The following SPDYE16 variants were observed in gnomAD, a reference collection of about 807,000 sequenced individuals.
SPDYE16 encodes speedy protein E16.
A neutral mutation model predicts 40.1 loss-of-function variants in SPDYE16; 5 were observed. The observed-to-expected ratio is 0.12, with a 90% confidence interval of 0.07 to 0.26. The LOEUF (loss-of-function observed/expected upper bound fraction) is 0.26. SPDYE16 is among the 10% of genes least tolerant of loss of function. The probability of loss-of-function intolerance (pLI) is 1.00; values close to 1 mark genes in which losing one functional copy is unlikely to be tolerated. For missense variants in SPDYE16, 98 were observed against 409.8 expected (o/e 0.24, Z 6.57); for synonymous variants, 40 against 154.2 (o/e 0.26, Z 5.49).
chr7:76,538,306 T>TC (rs113914745), intron 4 of SPDYE16, among the ~76,000 whole-genome samples: 28,044 of 68,998 alleles, frequency 0.41, 6,446 homozygotes, highest in African/African-American at 0.59. Flanking sequence ...GTTCAAGCAA[T>TC]CCTCTTGCCT....
At chr7:76,540,943 C>A (rs1332948701) in intron 2 of SPDYE16, among the ~76,000 whole-genome samples, 1 of 144,296 alleles carries the variant, frequency 6.9e-6, no homozygotes, top group Non-Finnish European at 1.5e-5. Context: ...GTTCTCCTTC[C>A]TGACCGCTGA....
Position 76,541,418 on chromosome 7 carries a change from A to G in SPDYE16, c.42T>C (p.Ile14=), listed in dbSNP as rs543377456. ...GACGGCTGGTCGTGATCTTTCCCTT[A>G]ATCTGTCCCCTCTTACGGAACCTAG... ...TETRFRKRGQ[I]KGKITTSRQP... The change falls in exon 2 of 9, where the codon ATT becomes ATC. Residue 14 remains isoleucine (I), a synonymous_variant. Transcript: ENST00000633306. 1 of 1,534,382 alleles carries G rather than the reference A, an allele frequency of 6.5e-7. No individual in the cohort carries two copies. Among genetic ancestry groups the G allele is most frequent in the African/African-American group, 1.4e-5 (1 of 72,686 alleles).
chr7:76,537,752 G>A (rs1231689206), intron 4 of SPDYE16, among the ~76,000 whole-genome samples: 4 of 70,006 alleles, frequency 5.7e-5, no homozygotes, highest in Non-Finnish European at 1.1e-4. Context: ...AGAAGAGGCC[G>A]AAGGAGGCCC....
chr7:76,533,020 A>ATGATCTTGGT (rs1269754144), intron 8 of SPDYE16: 1 of 699,254 alleles, frequency 1.4e-6, no homozygotes, highest in African/African-American at 2.1e-5. Context: ...GGTCAGCCCC[A>ATGATCTTGGT]GTGATCTGCT....
chr7:76,539,734 C>T (rs1813130017), intron 3 of SPDYE16, among the ~76,000 whole-genome samples: 1 of 111,510 alleles, frequency 9.0e-6, no homozygotes, highest in South Asian at 2.8e-4. Context: ...CATGAGCTAC[C>T]ACACCCGGCC....
chr7:76,542,199 T>C (rs1371807549), intron 1 of SPDYE16, among the ~76,000 whole-genome samples: 503 of 149,592 alleles, frequency 3.4e-3, no homozygotes, highest in African/African-American at 0.012. Flanking sequence ...TTTACTCACA[T>C]TCACTGTCCG....
At chr7:76,537,379 GAC>G in intron 5 of SPDYE16, 112 bp downstream of exon 5, 2 of 109,010 alleles carry the variant, frequency 1.8e-5, no homozygotes, top group Admixed American at 1.5e-4. Context: ...AAAAAAAAAA[GAC>G]TGTAGGAGCA....
rs374204376 is a variant in SPDYE16, at chr7:76,531,924, G to A, written c.*916C>T. ...ATAAATTAGATAGTATATATTAGAC[G>A]TGTTAGTATATATATCTGAGACATG... On this transcript the variant is annotated 3_prime_UTR_variant, in exon 9 of 9. Transcript: ENST00000633306. 2.5e-5 allele frequency: 2 copies of A among 81,066 alleles called. 1 individual carries two copies. Among genetic ancestry groups the A allele is most frequent in the Non-Finnish European group, 4.8e-5 (2 of 41,860 alleles). 5.0% of individuals were successfully genotyped at this position (81,066 alleles called of 1,614,324 possible).
intron 1 of SPDYE16, among the ~76,000 whole-genome samples, 189 bp from the exon 2 acceptor site, chr7:76,542,069 C>G (rs1390365207): frequency 5.3e-5 from 8 of 152,076 alleles, no homozygotes; most frequent in Admixed American, 4.6e-4. Context: ...TTATCATGTA[C>G]AAGAGTGAGA....
chr7:76,539,092 T>C lies in SPDYE16; in HGVS notation c.380-276A>G, dbSNP rs1191771248. 3.8e-5 allele frequency among the ~76,000 whole-genome samples: 3 copies of C among 78,316 alleles called. 1 individual carries two copies. Among genetic ancestry groups the C allele is most frequent in the Non-Finnish European group, 7.5e-5 (3 of 40,196 alleles). The allele number at this position is 78,316 out of a possible 152,430, so 51.4% of individuals were successfully genotyped here. A position where few individuals can be genotyped will look rare whatever the true frequency, so the allele number is the denominator to read the frequency against. Reference sequence around the variant, plus strand: ...CTTTTTTTTTTTTTTTTGTTGTTGTTGTTGAGAAACAGTCTTGCTTTGTGG... The same window carrying C: ...CTTTTTTTTTTTTTTTTGTTGTTGTCGTTGAGAAACAGTCTTGCTTTGTGG... On this transcript the variant is annotated intron_variant, in intron 3 of 8. Coordinates refer to ENST00000633306, the MANE Select transcript of SPDYE16 (RefSeq NM_001394943.1).
intron 1 of SPDYE16, among the ~76,000 whole-genome samples, chr7:76,542,302 CCT>C (rs1813217650): frequency 1.3e-5 from 2 of 151,680 alleles, no homozygotes; most frequent in South Asian, 4.1e-4. Context: ...GGAAACTGCC[CCT>C]GAGCTCACAC....
chr7:76,540,635 T>C, intron 2 of SPDYE16: 1 of 887,492 alleles, frequency 1.1e-6, no homozygotes, highest in Non-Finnish European at 1.5e-6. Flanking sequence ...TCTTGCTTTG[T>C]CACCCAGGCT....
At chr7:76,540,876 G>A (rs1813159537) in intron 2 of SPDYE16, among the ~76,000 whole-genome samples, 1 of 145,616 alleles carries the variant, frequency 6.9e-6, no homozygotes, top group Non-Finnish European at 1.5e-5. Flanking sequence ...GGGGTTACAG[G>A]TGTGAGCCAC....
Position 76,537,496 on chromosome 7 carries a change from G to T in SPDYE16, c.666C>A (p.Asp222Glu). The T allele has an allele frequency of 1.3e-6, 1 of 792,970 alleles. No individual in the cohort carries two copies. Among genetic ancestry groups the T allele is most frequent in the East Asian group, 3.4e-5 (1 of 29,392 alleles). The allele number at this position is 792,970 out of a possible 1,614,324, so 49.1% of individuals were successfully genotyped here. ...GTTACATGGAGAACAACCTTACCTT[G>T]TCCGACACCCTCAGATCTTTGTCCC... The part of the protein sequence containing the change: ...LAWDKDLRVS[D>E]KYLLAMVIAY... Residue 222 changes from aspartate (D) to glutamate (E), a missense_variant, in exon 5 of 9, where the codon GAC becomes GAA. By Grantham distance (45) the Asp-to-Glu change is conservative. Coordinates refer to ENST00000633306, the MANE Select transcript of SPDYE16 (RefSeq NM_001394943.1).
At position 76,541,313 on chromosome 7, in the gene SPDYE16, C is replaced by T. The variant is rs1156492891; in HGVS notation, c.147G>A (p.Val49=). ...CAGTCCCCTCACCTGATGATCCCAACACTTCATCATCCACCACCTCCTGGA... is the reference window on the plus strand; with the variant it reads ...CAGTCCCCTCACCTGATGATCCCAATACTTCATCATCCACCACCTCCTGGA... ...YSLQEVVDDE[V]LGSSAPGVDP... The change falls in exon 2 of 9, where the codon GTG becomes GTA. Residue 49 remains valine (V), a synonymous_variant. Coordinates refer to ENST00000633306, the MANE Select transcript of SPDYE16 (RefSeq NM_001394943.1). The T allele has an allele frequency of 6.5e-7, 1 of 1,534,684 alleles. No homozygotes were observed. The highest frequency in any genetic ancestry group is 8.7e-7 in the Non-Finnish European group (1 of 1,146,652).
In SPDYE16 at chr7:76,532,610, A is replaced by ACCC. The variant is rs1265120711; in HGVS notation, c.*227_*229dup. On this transcript the variant is annotated 3_prime_UTR_variant, in exon 9 of 9. Transcript: ENST00000633306. ...CTCCAAGGACTCCTAGAAGGACCCCACCCCCCTCCCCCCACCCCTGCTCCC... is the reference window on the plus strand; with the variant it reads ...CTCCAAGGACTCCTAGAAGGACCCCACCCCCCCCCTCCCCCCACCCCTGCTCCC... 4 of 162,470 alleles carry ACCC rather than the reference A, an allele frequency of 2.5e-5. 1 individual carries two copies. Among genetic ancestry groups the ACCC allele is most frequent in the South Asian group, 1.2e-4 (3 of 25,278 alleles). The allele number at this position is 162,470 out of a possible 1,614,324, so 10.1% of individuals were successfully genotyped here.
At chr7:76,539,553 C>T (rs1813124010) in intron 3 of SPDYE16, among the ~76,000 whole-genome samples, 1 of 98,160 alleles carries the variant, frequency 1.0e-5, no homozygotes, top group African/African-American at 5.7e-5. Context: ...CACCTGGGTT[C>T]AAGCGATTAT....
At position 76,541,559 on chromosome 7, in the gene SPDYE16, T is replaced by C. The variant is rs1162783980; in HGVS notation, c.-100A>G. The C allele has an allele frequency of 1.3e-6, 2 of 1,503,620 alleles. No homozygotes were observed. The highest frequency in any genetic ancestry group is 4.9e-5 in the East Asian group (2 of 40,500). 93.1% of individuals were successfully genotyped at this position (1,503,620 alleles called of 1,614,324 possible). On this transcript the variant is annotated 5_prime_UTR_variant, in exon 2 of 9. Coordinates refer to ENST00000633306, the MANE Select transcript of SPDYE16 (RefSeq NM_001394943.1). ...GAGAACAGCTCTGAGAAGATACTGT[T>C]GTCCAACTGATCTCCAGGCACCACG...
intron 1 of SPDYE16, among the ~76,000 whole-genome samples, 82 bp from the exon 2 acceptor site, chr7:76,541,962 T>C (rs1813197502): frequency 8.0e-6 from 1 of 125,120 alleles, no homozygotes; most frequent in African/African-American, 2.7e-5. Flanking sequence ...GATTATCATG[T>C]ACAAGAGTGA....
Sources: allele counts gnomAD v4.1 joint callset (sites outside exome capture counted in the v4.1 genomes callset), GRCh38; gene constraint gnomAD v4.1.1; transcripts MANE v1.5; gene names NCBI Gene and HGNC (gene_info 2026-07-23, HGNC 2026-07-21).